The following CLSTN2 variants were observed in gnomAD, a reference collection of about 807,000 sequenced individuals.
CLSTN2 encodes calsyntenin-2.
CLSTN2 carries 48 observed loss-of-function variants against 101.2 expected under a neutral mutation model. The observed-to-expected ratio is 0.47, with a 90% CI of 0.38 to 0.60. The LOEUF is 0.60. Ranked by LOEUF, CLSTN2 falls within the 20% of genes least tolerant of loss-of-function variation. CLSTN2 has a pLI of 0.00. For missense variants in CLSTN2, 1,160 were observed against 1,238.2 expected, an observed-to-expected ratio of 0.94 and a Z score of 0.95; for synonymous variants, 481 against 463.6, an observed-to-expected ratio of 1.04 and a Z score of -0.48.
intron 2 of CLSTN2, among the ~76,000 whole-genome samples, chr3:140,206,887 C>A (rs910065087): frequency 6.6e-6 from 1 of 152,182 alleles, no homozygotes; most frequent in African/African-American, 2.4e-5. Flanking sequence ...GATGCAGAAC[C>A]TACAGCGCAG....
At chr3:140,154,891 G>A (rs189506824) in intron 1 of CLSTN2, among the ~76,000 whole-genome samples, 53 of 152,126 alleles carry the variant, frequency 3.5e-4, no homozygotes, top group African/African-American at 1.2e-3. Flanking sequence ...TGATCCGCCC[G>A]CCTCAGCCTG....
chr3:140,020,068 G>T (rs1331043663), intron 1 of CLSTN2, among the ~76,000 whole-genome samples: 8 of 152,152 alleles, frequency 5.3e-5, no homozygotes, highest in Admixed American at 3.9e-4. Context: ...TTGAAACCCT[G>T]GGGAGTATGT....
chr3:139,979,695 C>A (rs1269748877), intron 1 of CLSTN2, among the ~76,000 whole-genome samples: 1 of 152,030 alleles, frequency 6.6e-6, no homozygotes, highest in Non-Finnish European at 1.5e-5. Flanking sequence ...TAGCTGTGTG[C>A]ATGGGGAATA....
chr3:140,380,330 G>T (rs2087965902), intron 2 of CLSTN2, among the ~76,000 whole-genome samples: 1 of 152,184 alleles, frequency 6.6e-6, no homozygotes, highest in Non-Finnish European at 1.5e-5. Flanking sequence ...CCTGTTCCCT[G>T]AGCAAAACAA....
Position 140,060,115 on chromosome 3 carries a change from C to T in CLSTN2, c.110-115836C>T, listed in dbSNP as rs1194887980. 7.2e-5 allele frequency among the ~76,000 whole-genome samples: 11 copies of T among 152,274 alleles called. No individual in the cohort carries two copies. The East Asian group carries it at 1.4e-3, about 19-fold the overall frequency. On this transcript the variant is annotated intron_variant, in intron 1 of 16. Coordinates refer to ENST00000458420, the MANE Select transcript of CLSTN2 (RefSeq NM_022131.3). ...AATAACATGTTTGTAAATAACTCAG[C>T]GAGGTTCCTGGCATATAGGAAGAGT...
intron 2 of CLSTN2, among the ~76,000 whole-genome samples, chr3:140,391,380 C>CA (rs1553739477): frequency 2.4e-4 from 21 of 87,166 alleles, no homozygotes; most frequent in Admixed American, 1.4e-4. Context: ...GGGGGGTGGG[C>CA]GGGAGGGGCG....
rs144482340 is a variant in CLSTN2, at chr3:140,125,876, A to G, written c.110-50075A>G. Among the ~76,000 whole-genome samples the G allele has an allele frequency of 2.4e-3, 366 of 152,302 alleles. 2 individuals are homozygous for G. The highest frequency in any genetic ancestry group is 8.4e-3 in the African/African-American group (348 of 41,580). On this transcript the variant is annotated intron_variant, in intron 1 of 16. Coordinates refer to ENST00000458420, the MANE Select transcript of CLSTN2 (RefSeq NM_022131.3). Reference sequence around the variant, plus strand: ...TTTGGAAAGGAGCACTACATGCTGGACTAAGCTGAAAAAGGAAGAAATGAG... The same window carrying G: ...TTTGGAAAGGAGCACTACATGCTGGGCTAAGCTGAAAAAGGAAGAAATGAG...
intron 2 of CLSTN2, among the ~76,000 whole-genome samples, chr3:140,397,422 T>C (rs1181273512): frequency 6.6e-6 from 1 of 152,180 alleles, no homozygotes; most frequent in Non-Finnish European, 1.5e-5. Flanking sequence ...TAAAAACGAA[T>C]CTGAAATTGC....
intron 2 of CLSTN2, among the ~76,000 whole-genome samples, chr3:140,229,563 C>T (rs377093432): frequency 7.5e-4 from 114 of 151,790 alleles, no homozygotes; most frequent in African/African-American, 2.5e-3. Flanking sequence ...TGACAAAGCA[C>T]GAACTGAACT....
At chr3:140,442,769 T>C (rs1932971117) in intron 5 of CLSTN2, among the ~76,000 whole-genome samples, 1 of 152,150 alleles carries the variant, frequency 6.6e-6, no homozygotes, top group South Asian at 2.1e-4. Flanking sequence ...TATGTATGGC[T>C]CCTTACTGGC....
chr3:140,280,142 G>A (rs967875755), intron 2 of CLSTN2, among the ~76,000 whole-genome samples: 8 of 152,242 alleles, frequency 5.3e-5, no homozygotes, highest in Non-Finnish European at 1.2e-4. Flanking sequence ...AATAAAGGGA[G>A]TTTTAGGGAA....
chr3:140,168,596 G>C (rs6439899), intron 1 of CLSTN2, among the ~76,000 whole-genome samples: 130,251 of 151,928 alleles, frequency 0.86, 55,959 homozygotes, highest in East Asian at 0.92. Flanking sequence ...AAGATTTTCT[G>C]ATATGCTTTA....
chr3:139,993,340 G>A (rs1936148164), intron 1 of CLSTN2, among the ~76,000 whole-genome samples: 1 of 152,106 alleles, frequency 6.6e-6, no homozygotes, highest in Non-Finnish European at 1.5e-5. Flanking sequence ...AGATCCATGT[G>A]GCCTGTACCT....
rs540967901 is a variant in CLSTN2 at position 140,386,924 on chromosome 3, C to T, written c.233-16705C>T. ...CCCTAAACTTGCTGAGTCATGCAGA[C>T]CTGGATGTCTGCCTTGGCCTAACCT... On this transcript the variant is annotated intron_variant, in intron 2 of 16. Coordinates refer to ENST00000458420, the MANE Select transcript of CLSTN2 (RefSeq NM_022131.3). Among the ~76,000 whole-genome samples the T allele has an allele frequency of 2.6e-5, 4 of 152,296 alleles. No individual in the cohort carries two copies. The East Asian group carries it at 7.7e-4, about 29-fold the overall frequency.
At chr3:140,084,989 T>G (rs1056012817) in intron 1 of CLSTN2, among the ~76,000 whole-genome samples, 1 of 152,142 alleles carries the variant, frequency 6.6e-6, no homozygotes, top group African/African-American at 2.4e-5. Context: ...AATCCATGAG[T>G]TTGTTTCTAG....
rs185484676 is a variant in CLSTN2, at chr3:140,089,571, T to A, written c.110-86380T>A. Reference sequence around the variant, plus strand: ...AGGGTGCTCTATTTTGGTCTTCCTTTTCAGCTGGTTTTATTTATTTATTTA... The same window carrying A: ...AGGGTGCTCTATTTTGGTCTTCCTTATCAGCTGGTTTTATTTATTTATTTA... On this transcript the variant is annotated intron_variant, in intron 1 of 16. Transcript: ENST00000458420. 5.8e-3 allele frequency among the ~76,000 whole-genome samples: 882 copies of A among 151,172 alleles called. 5 individuals carry two copies. Among genetic ancestry groups the A allele is most frequent in the Admixed American group, 0.01 (151 of 15,016 alleles).
At chr3:140,320,906 T>A (rs1163413971) in intron 2 of CLSTN2, among the ~76,000 whole-genome samples, 1 of 152,154 alleles carries the variant, frequency 6.6e-6, no homozygotes, top group Non-Finnish European at 1.5e-5. Flanking sequence ...TTACGTTGGC[T>A]TGTTCATTTG....
chr3:140,206,856 C>T (rs2010790629), intron 2 of CLSTN2, among the ~76,000 whole-genome samples: 1 of 152,134 alleles, frequency 6.6e-6, no homozygotes, highest in African/African-American at 2.4e-5. Context: ...TGCCCAGTAG[C>T]CAATAGACAT....
intron 1 of CLSTN2, among the ~76,000 whole-genome samples, chr3:140,017,530 T>C (rs1343616854): frequency 6.6e-6 from 1 of 152,190 alleles, no homozygotes; most frequent in African/African-American, 2.4e-5. Context: ...GCAAAGTTCC[T>C]TGGGGGCCTG....
Sources: gnomAD v4.1 joint callset for allele counts (sites outside exome capture counted in the v4.1 genomes callset) on GRCh38, gnomAD v4.1.1 for gene constraint, MANE v1.5 for transcripts, NCBI Gene and HGNC (gene_info 2026-07-23, HGNC 2026-07-21) for gene names.